The following CPQ variants were observed in gnomAD, a reference collection of about 807,000 sequenced individuals.
CPQ encodes Ser-Met dipeptidase.
In CPQ, 37 loss-of-function variants were observed where a neutral mutation model predicts 45.7. The observed-to-expected ratio is 0.81, with a 90% CI of 0.62 to 1.07. CPQ has a LOEUF of 1.07. Ranked by LOEUF, CPQ falls within the 50% of genes least tolerant of loss-of-function variation. The pLI is 0.00. For missense variants in CPQ, 537 were observed against 572.9 expected (o/e 0.94, Z 0.64); for synonymous variants, 186 against 205.8 (o/e 0.90, Z 0.82).
At chr8:97,127,054 C>T (rs1215479264) in intron 7 of CPQ, among the ~76,000 whole-genome samples, 1 of 152,098 alleles carries the variant, frequency 6.6e-6, no homozygotes, top group East Asian at 1.9e-4. Context: ...AAATCTTAAA[C>T]TATGATAATT....
Position 97,045,473 on chromosome 8 carries a change from G to A in CPQ, c.1053+15979G>A, listed in dbSNP as rs549755996. On this transcript the variant is annotated intron_variant, in intron 6 of 7. Coordinates refer to ENST00000220763, the MANE Select transcript of CPQ (RefSeq NM_016134.4). ...GCAATGCCTCGCCCTCCTTCAGCTC[G>A]CGCACGACGCACTGCACCCACTGTC... 5.1e-4 allele frequency among the ~76,000 whole-genome samples: 78 copies of A among 152,230 alleles called. 1 individual carries two copies. In the South Asian group the frequency reaches 5.8e-3, roughly 11 times the overall value.
chr8:97,122,587 A>T (rs752580117), intron 7 of CPQ, among the ~76,000 whole-genome samples: 11 of 152,140 alleles, frequency 7.2e-5, no homozygotes, highest in Non-Finnish European at 1.2e-4. Flanking sequence ...AAAAGTTTCT[A>T]AATTAATAAA....
intron 4 of CPQ, among the ~76,000 whole-genome samples, chr8:96,891,459 C>G (rs1479558103): frequency 6.6e-6 from 1 of 152,260 alleles, no homozygotes; most frequent in East Asian, 1.9e-4. Flanking sequence ...TGAGTGGAAG[C>G]CCATGTTGCT....
chr8:96,859,817 A>G (rs761004072), intron 3 of CPQ, among the ~76,000 whole-genome samples: 3 of 152,124 alleles, frequency 2.0e-5, no homozygotes, highest in African/African-American at 4.8e-5. Flanking sequence ...GTTGATAGAC[A>G]TGCTGATTTT....
intron 4 of CPQ, among the ~76,000 whole-genome samples, chr8:96,927,468 C>A (rs1046927097): frequency 1.1e-4 from 17 of 152,062 alleles, no homozygotes; most frequent in Non-Finnish European, 2.4e-4. Flanking sequence ...TCATACCTTT[C>A]CAAGGCAAGG....
chr8:97,111,202 T>C (rs369065908), intron 7 of CPQ, among the ~76,000 whole-genome samples: 4 of 152,306 alleles, frequency 2.6e-5, no homozygotes, highest in African/African-American at 9.6e-5. Context: ...TCCTCCTCCA[T>C]ACCTTTTCCC....
chr8:96,952,688 T>C (rs1004377532), intron 4 of CPQ, among the ~76,000 whole-genome samples: 1 of 152,148 alleles, frequency 6.6e-6, no homozygotes, highest in Non-Finnish European at 1.5e-5. Flanking sequence ...TACAAAATTA[T>C]GATTGTTATG....
intron 1 of CPQ, among the ~76,000 whole-genome samples, chr8:96,668,058 A>G (rs1808949185): frequency 6.6e-6 from 1 of 152,246 alleles, no homozygotes; most frequent in Non-Finnish European, 1.5e-5. Flanking sequence ...CTAATTTGCA[A>G]TAATCACACT....
rs187912371 is a variant in CPQ, at chr8:96,916,695, G to A, written c.849+36690G>A. On this transcript the variant is annotated intron_variant, in intron 4 of 7. Coordinates refer to ENST00000220763, the MANE Select transcript of CPQ (RefSeq NM_016134.4). ...TGTTTTTCCTTAATATCCTTTTCCTGTTCCAGGATCTTATACAGGGTACCA... is the reference window on the plus strand; with the variant it reads ...TGTTTTTCCTTAATATCCTTTTCCTATTCCAGGATCTTATACAGGGTACCA... Among the ~76,000 whole-genome samples the A allele has an allele frequency of 5.5e-3, 831 of 152,066 alleles. 7 individuals are homozygous for A. The highest frequency in any genetic ancestry group is 0.018 in the African/African-American group (737 of 41,480).
intron 1 of CPQ, among the ~76,000 whole-genome samples, chr8:96,751,053 T>C (rs1309698409): frequency 1.3e-5 from 2 of 152,230 alleles, no homozygotes; most frequent in Non-Finnish European, 2.9e-5. Context: ...TCATTTGGGT[T>C]GATTCCATGT....
intron 4 of CPQ, among the ~76,000 whole-genome samples, chr8:96,962,130 G>C (rs560600045): frequency 2.6e-5 from 4 of 152,070 alleles, no homozygotes; most frequent in Non-Finnish European, 4.4e-5. Context: ...GTTCGACTGC[G>C]GTGTATTCTT....
At chr8:97,013,631 C>G (rs75017048) in intron 5 of CPQ, among the ~76,000 whole-genome samples, 9,141 of 152,144 alleles carry the variant, frequency 0.06, 399 homozygotes, top group Non-Finnish European at 0.095. Flanking sequence ...AAGGACAAAC[C>G]AGATGGCATA....
At chr8:96,734,440 G>A (rs112693942) in intron 1 of CPQ, among the ~76,000 whole-genome samples, 5 of 152,136 alleles carry the variant, frequency 3.3e-5, no homozygotes, top group Non-Finnish European at 7.3e-5. Flanking sequence ...GGCTGGGCGC[G>A]GTGGGTCACG....
chr8:96,902,531 G>C (rs1408749058), intron 4 of CPQ, among the ~76,000 whole-genome samples: 1 of 152,220 alleles, frequency 6.6e-6, no homozygotes, highest in African/African-American at 2.4e-5. Context: ...CAGAATGTGT[G>C]TGTTGGAGAA....
chr8:96,857,218 A>G (rs181451526), intron 3 of CPQ, among the ~76,000 whole-genome samples: 21 of 152,322 alleles, frequency 1.4e-4, no homozygotes, highest in African/African-American at 5.1e-4. Context: ...GTCACTAGAG[A>G]AGAAATGAAT....
rs541011163 is a variant in CPQ, at chr8:97,039,923, A to G, written c.1053+10429A>G. ...TTGGTTCCAAGTCTTTGCTATTGTGAATAGTGCCACAATAAACATACATGT... is the reference window on the plus strand; with the variant it reads ...TTGGTTCCAAGTCTTTGCTATTGTGGATAGTGCCACAATAAACATACATGT... On this transcript the variant is annotated intron_variant, in intron 6 of 7. Coordinates refer to ENST00000220763, the MANE Select transcript of CPQ (RefSeq NM_016134.4). Among the ~76,000 whole-genome samples, 1,251 of 152,106 alleles carry G rather than the reference A, an allele frequency of 8.2e-3. 11 individuals are homozygous for G. Among genetic ancestry groups the G allele is most frequent in the African/African-American group, 0.028 (1,143 of 41,484 alleles).
rs11986730 is a variant in CPQ at position 96,917,383 on chromosome 8, C to T, written c.849+37378C>T. ...CAAATTGTTACAGCCTTGGCCATGG[C>T]CATTGGGAACTCTTTCAGTGGCTCT... On this transcript the variant is annotated intron_variant, in intron 4 of 7. Transcript: ENST00000220763. Among the ~76,000 whole-genome samples, 1,323 of 152,146 alleles carry T rather than the reference C, an allele frequency of 8.7e-3. 20 individuals are homozygous for T. Among genetic ancestry groups the T allele is most frequent in the African/African-American group, 0.03 (1,246 of 41,510 alleles).
chr8:96,902,971 C>T (rs930287040), intron 4 of CPQ, among the ~76,000 whole-genome samples: 1 of 152,182 alleles, frequency 6.6e-6, no homozygotes, highest in South Asian at 2.1e-4. Flanking sequence ...GGACCTGTTG[C>T]GTCTCTTTGT....
In CPQ at chr8:96,740,671, A is replaced by G. The variant is rs374337312; in HGVS notation, c.-34-44193A>G. 3.0e-4 allele frequency among the ~76,000 whole-genome samples: 46 copies of G among 152,058 alleles called. No homozygotes were observed. In the East Asian group the frequency reaches 8.5e-3, roughly 28 times the overall value. ...TAATTTATTGAGAGTTTTTAGCATG[A>G]AGGGTTGTTGAATTTTGTCAAAGGC... is the stretch of plus-strand genomic sequence containing the variant. On this transcript the variant is annotated intron_variant, in intron 1 of 7. Coordinates refer to ENST00000220763, the MANE Select transcript of CPQ (RefSeq NM_016134.4).
Sources: allele counts gnomAD v4.1 joint callset (sites outside exome capture counted in the v4.1 genomes callset), GRCh38; gene constraint gnomAD v4.1.1; transcripts MANE v1.5; gene names NCBI Gene and HGNC (gene_info 2026-07-23, HGNC 2026-07-21).